Variants in PXDNL observed in about 807,000 individuals in gnomAD.
PXDNL encodes the protein peroxidasin like.
A neutral mutation model predicts 150.8 loss-of-function variants in PXDNL; 145 were observed. That is an observed-to-expected ratio of 0.96 (90% CI 0.84 to 1.10). PXDNL has a LOEUF of 1.10. PXDNL is among the 50% of genes least tolerant of loss of function. PXDNL has a pLI of 0.00. For missense variants in PXDNL, 2,087 were observed against 1,873.9 expected (o/e 1.11, Z -2.10); for synonymous variants, 757 against 725.7 (o/e 1.04, Z -0.69).
chr8:51,360,881 C>T (rs570209550), intron 19 of PXDNL, among the ~76,000 whole-genome samples: 1 of 152,370 alleles, frequency 6.6e-6, no homozygotes, highest in Admixed American at 6.5e-5. Flanking sequence ...TCTTCCACCA[C>T]ATGGCTGTGC....
chr8:51,787,190 A>T (rs1006636991), intron 1 of PXDNL, among the ~76,000 whole-genome samples: 69 of 152,278 alleles, frequency 4.5e-4, no homozygotes, highest in African/African-American at 1.6e-3. Context: ...ATGTACAAGG[A>T]GATTAATGAT....
At chr8:51,646,347 T>A (rs1328317756) in intron 2 of PXDNL, among the ~76,000 whole-genome samples, 2 of 152,166 alleles carry the variant, frequency 1.3e-5, no homozygotes, top group African/African-American at 2.4e-5. Flanking sequence ...ACTCCAGGAC[T>A]GTGAGAAAAT....
chr8:51,415,480 A>G (rs888815569), intron 14 of PXDNL, among the ~76,000 whole-genome samples: 1 of 152,136 alleles, frequency 6.6e-6, no homozygotes, highest in Admixed American at 6.6e-5. Flanking sequence ...AAACAACCAG[A>G]TCTCATGAGA....
At chr8:51,365,905 T>G (rs887694803) in intron 19 of PXDNL, among the ~76,000 whole-genome samples, 11 of 152,172 alleles carry the variant, frequency 7.2e-5, no homozygotes, top group African/African-American at 2.7e-4. Context: ...TGGAGGCACT[T>G]ATGCTAAAAG....
At chr8:51,482,598 A>AGTCCC (rs1810628170) in intron 6 of PXDNL, among the ~76,000 whole-genome samples, 1 of 152,144 alleles carries the variant, frequency 6.6e-6, no homozygotes, top group Non-Finnish European at 1.5e-5. Flanking sequence ...CTTGAATTGT[A>AGTCCC]ATAATCCCCA....
At chr8:51,744,389 T>C (rs913950794) in intron 1 of PXDNL, among the ~76,000 whole-genome samples, 1 of 148,100 alleles carries the variant, frequency 6.8e-6, no homozygotes, top group African/African-American at 2.5e-5. Flanking sequence ...AAAGGAAGGC[T>C]GGGCACGGTG....
intron 14 of PXDNL, among the ~76,000 whole-genome samples, chr8:51,421,643 G>A (rs1344923352): frequency 3.9e-5 from 6 of 152,154 alleles, no homozygotes; most frequent in African/African-American, 7.2e-5. Flanking sequence ...AAGTTGCAGT[G>A]AGCCGAGATT....
At chr8:51,714,459 G>A (rs1341636554) in intron 1 of PXDNL, among the ~76,000 whole-genome samples, 3 of 151,962 alleles carry the variant, frequency 2.0e-5, no homozygotes, top group African/African-American at 7.3e-5. Context: ...GGCTCTCTGT[G>A]CTTTTAATTT....
At chr8:51,696,894 C>T in intron 1 of PXDNL, among the ~76,000 whole-genome samples, 1 of 152,192 alleles carries the variant, frequency 6.6e-6, no homozygotes, top group Non-Finnish European at 1.5e-5. Flanking sequence ...TTCTACTCTG[C>T]AACAGCCTTT....
At chr8:51,605,079 G>A (rs139722081) in intron 2 of PXDNL, among the ~76,000 whole-genome samples, 1,689 of 152,126 alleles carry the variant, frequency 0.011, 20 homozygotes, top group African/African-American at 0.029. Context: ...TAAATTGCCC[G>A]CGATCAGCAG....
At position 51,742,806 on chromosome 8, in the gene PXDNL, G is replaced by C. The variant is rs2036921679; in HGVS notation, c.164+66375C>G. Among the ~76,000 whole-genome samples, 4 of 152,096 alleles carry C rather than the reference G, an allele frequency of 2.6e-5. 1 individual carries two copies. Among genetic ancestry groups the C allele is most frequent in the Admixed American group, 2.6e-4 (4 of 15,278 alleles). On this transcript the variant is annotated intron_variant, in intron 1 of 22. Coordinates refer to ENST00000356297, the MANE Select transcript of PXDNL (RefSeq NM_144651.5). ...ATTTCATGATTGTCACATGAAAATA[G>C]AAAGAGAATGTTTCCTGATAAGAAG...
chr8:51,781,911 C>T (rs185784298), intron 1 of PXDNL, among the ~76,000 whole-genome samples: 3 of 152,326 alleles, frequency 2.0e-5, no homozygotes, highest in East Asian at 3.9e-4. Context: ...CAAGGCTGCT[C>T]CTGCCCAGAA....
intron 19 of PXDNL, among the ~76,000 whole-genome samples, chr8:51,364,100 G>A (rs943339519): frequency 6.6e-6 from 1 of 152,190 alleles, no homozygotes; most frequent in Non-Finnish European, 1.5e-5. Context: ...ACAGTCTCAT[G>A]TATCTTCCAC....
chr8:51,809,246 G>A lies in PXDNL; in HGVS notation c.99C>T (p.Ser33=). ...GCATCAAGTGCATGCAGCGGACGGT[G>A]CTCTTAAAGCAAAGGCACCGGCTGG... ...PCPSRCLCFK[S]TVRCMHLMLD... The change falls in exon 1 of 23, where the codon AGC becomes AGT. Residue 33 remains serine, a synonymous_variant. Transcript: ENST00000356297. 2 of 1,611,990 alleles carry A rather than the reference G, an allele frequency of 1.2e-6. No individual in the cohort carries two copies. The highest frequency in any genetic ancestry group is 1.7e-6 in the Non-Finnish European group (2 of 1,179,064).
At chr8:51,489,140 A>T (rs1007464389) in intron 5 of PXDNL, among the ~76,000 whole-genome samples, 3 of 152,244 alleles carry the variant, frequency 2.0e-5, no homozygotes, top group Non-Finnish European at 2.9e-5. Context: ...AGATGATCTA[A>T]TATTCAATTA....
chr8:51,763,610 T>G (rs1464959568), intron 1 of PXDNL, among the ~76,000 whole-genome samples: 1 of 152,172 alleles, frequency 6.6e-6, no homozygotes, highest in Non-Finnish European at 1.5e-5. Flanking sequence ...CTTCCAAGTG[T>G]ACTTTCCTTT....
At chr8:51,755,059 A>G (rs2037086134) in intron 1 of PXDNL, among the ~76,000 whole-genome samples, 1 of 152,128 alleles carries the variant, frequency 6.6e-6, no homozygotes, top group African/African-American at 2.4e-5. Flanking sequence ...ACTAGAGAAT[A>G]CAAGAGAGAA....
chr8:51,655,295 T>C (rs1359688344), intron 1 of PXDNL, among the ~76,000 whole-genome samples: 1 of 152,188 alleles, frequency 6.6e-6, no homozygotes, highest in Non-Finnish European at 1.5e-5. Context: ...ACCAACATTC[T>C]CTTTCATGAG....
At chr8:51,583,285 C>T (rs1363701973) in intron 3 of PXDNL, among the ~76,000 whole-genome samples, 1 of 152,094 alleles carries the variant, frequency 6.6e-6, no homozygotes, top group African/African-American at 2.4e-5. Context: ...GTGAGGGCTA[C>T]AGGAAGCTGA....
Sources: allele counts gnomAD v4.1 joint callset (sites outside exome capture counted in the v4.1 genomes callset), GRCh38; gene constraint gnomAD v4.1.1; transcripts MANE v1.5; gene names NCBI Gene and HGNC (gene_info 2026-07-23, HGNC 2026-07-21).